MAMDC2: variants seen among roughly 807,000 people sequenced by gnomAD.
MAMDC2 encodes MAM domain-containing protein 2.
Under a neutral mutation model 89.8 loss-of-function variants are expected in MAMDC2, and 57 were observed. That is an observed-to-expected ratio of 0.63 (90% confidence interval 0.51 to 0.79). MAMDC2 has a LOEUF of 0.79. Ranked by LOEUF, MAMDC2 falls within the 30% of genes least tolerant of loss-of-function variation. The pLI is 0.00. For missense variants in MAMDC2, 800 were observed against 820.6 expected (o/e 0.97, Z 0.31); for synonymous variants, 313 against 293.4 (o/e 1.07, Z -0.68).
intron 11 of MAMDC2, among the ~76,000 whole-genome samples, chr9:70,214,222 G>A (rs1257436958): frequency 1.3e-5 from 2 of 152,208 alleles, no homozygotes; most frequent in African/African-American, 4.8e-5. Flanking sequence ...AGGAGTGCCA[G>A]GGAAGAGGGA....
intron 11 of MAMDC2, among the ~76,000 whole-genome samples, chr9:70,187,893 G>A (rs893448039): frequency 6.6e-6 from 1 of 152,108 alleles, no homozygotes; most frequent in African/African-American, 2.4e-5. Flanking sequence ...TTTCTTTAAG[G>A]TATAAACCAG....
At chr9:70,216,924 A>G (rs1447094125) in intron 11 of MAMDC2, among the ~76,000 whole-genome samples, 1 of 152,184 alleles carries the variant, frequency 6.6e-6, no homozygotes, top group Non-Finnish European at 1.5e-5. Flanking sequence ...TGTAGTTTAA[A>G]TAGTCCCATC....
At position 70,104,606 on chromosome 9, in the gene MAMDC2, C is replaced by T. The variant is rs1467855207; in HGVS notation, c.149-3605C>T. The stretch of plus-strand genomic sequence containing the variant: ...TAATCCATAAAATAGAATATTAGCC[C>T]CCAAAAAGAATGAAATTCTAATATA... On this transcript the variant is annotated intron_variant, in intron 2 of 13. Coordinates refer to ENST00000377182, the MANE Select transcript of MAMDC2 (RefSeq NM_153267.5). 2.6e-5 allele frequency among the ~76,000 whole-genome samples: 4 copies of T among 151,946 alleles called. No individual in the cohort carries two copies. In the East Asian group the frequency reaches 5.8e-4, roughly 22 times the overall value.
intron 11 of MAMDC2, among the ~76,000 whole-genome samples, chr9:70,210,270 A>G (rs2033324271): frequency 9.7e-6 from 1 of 103,162 alleles, no homozygotes; most frequent in Admixed American, 1.2e-4. Context: ...ATGTGAGTCT[A>G]AGTCTCTTTG....
intron 2 of MAMDC2, among the ~76,000 whole-genome samples, chr9:70,058,721 C>T (rs1827081205): frequency 6.6e-6 from 1 of 152,160 alleles, no homozygotes; most frequent in African/African-American, 2.4e-5. Context: ...CACTTTGAGG[C>T]AAGAAACTTT....
chr9:70,046,230 C>A (rs1471777692), intron 2 of MAMDC2, among the ~76,000 whole-genome samples: 1 of 152,166 alleles, frequency 6.6e-6, no homozygotes, highest in African/African-American at 2.4e-5. Flanking sequence ...TAACAAGTTC[C>A]CAGGTGATGC....
chr9:70,099,029 G>A (rs1051851092), intron 2 of MAMDC2, among the ~76,000 whole-genome samples: 11 of 152,164 alleles, frequency 7.2e-5, no homozygotes, highest in South Asian at 2.1e-4. Flanking sequence ...TATAATTAGC[G>A]ATTTATTAAA....
intron 2 of MAMDC2, chr9:70,079,310 A>G (rs974597658): frequency 1.3e-5 from 2 of 152,218 alleles, no homozygotes; most frequent in African/African-American, 2.4e-5. Context: ...GTGTACAAGT[A>G]TGGATCTAGG....
intron 2 of MAMDC2, among the ~76,000 whole-genome samples, chr9:70,061,821 T>C (rs1483394853): frequency 2.6e-5 from 4 of 152,168 alleles, no homozygotes; most frequent in East Asian, 1.9e-4. Flanking sequence ...GGTTGTAGAA[T>C]TGGTGTTTGG....
chr9:70,069,410 C>G (rs992117090), intron 2 of MAMDC2, among the ~76,000 whole-genome samples: 3 of 152,172 alleles, frequency 2.0e-5, no homozygotes, highest in Non-Finnish European at 4.4e-5. Context: ...TGTTGGCTAA[C>G]GTAATGTTAA....
chr9:70,214,837 C>G (rs913099189), intron 11 of MAMDC2, among the ~76,000 whole-genome samples: 10 of 152,162 alleles, frequency 6.6e-5, no homozygotes, highest in Non-Finnish European at 1.5e-4. Flanking sequence ...TGGTGTGCGA[C>G]TCACAGGTTT....
intron 9 of MAMDC2, among the ~76,000 whole-genome samples, chr9:70,145,596 A>AC (rs2031378902): frequency 5.3e-5 from 8 of 151,090 alleles, no homozygotes; most frequent in Admixed American, 2.0e-4. Context: ...ACACACATAC[A>AC]AGCAAATACC....
At chr9:70,173,708 T>C (rs2032419087) in intron 11 of MAMDC2, among the ~76,000 whole-genome samples, 1 of 152,076 alleles carries the variant, frequency 6.6e-6, no homozygotes, top group Non-Finnish European at 1.5e-5. Flanking sequence ...ATGAAGACTG[T>C]GGAATGCCTT....
intron 11 of MAMDC2, among the ~76,000 whole-genome samples, chr9:70,186,913 A>G (rs1032540437): frequency 7.9e-5 from 12 of 152,162 alleles, no homozygotes; most frequent in African/African-American, 2.7e-4. Flanking sequence ...CTCACTAATC[A>G]TGAAGGGGAT....
chr9:70,217,136 T>TA, intron 11 of MAMDC2: 1 of 562,324 alleles, frequency 1.8e-6, no homozygotes, highest in Non-Finnish European at 3.2e-6. Flanking sequence ...AAAGGCAATT[T>TA]AAAAATATTA....
rs1364131988 is a variant in MAMDC2, at chr9:70,054,105, C to T, written c.148+9408C>T. 2.0e-5 allele frequency among the ~76,000 whole-genome samples: 3 copies of T among 152,132 alleles called. No homozygotes were observed. In the East Asian group the frequency reaches 5.8e-4, roughly 29 times the overall value. On this transcript the variant is annotated intron_variant, in intron 2 of 13. Transcript: ENST00000377182. Reference sequence around the variant, plus strand: ...AGGGTAGAAAAAGATATGATCAGTTCTGAGCTGCCTGGGACACATCCAAGT... The same window carrying T: ...AGGGTAGAAAAAGATATGATCAGTTTTGAGCTGCCTGGGACACATCCAAGT...
chr9:70,193,024 G>A (rs2032914018), intron 11 of MAMDC2, among the ~76,000 whole-genome samples: 1 of 151,978 alleles, frequency 6.6e-6, no homozygotes, highest in Non-Finnish European at 1.5e-5. Context: ...TGAGGGTGGG[G>A]GGTTCTTGCT....
chr9:70,072,561 A>C lies in MAMDC2; in HGVS notation c.148+27864A>C, dbSNP rs144935850. 3.9e-3 allele frequency among the ~76,000 whole-genome samples: 595 copies of C among 152,292 alleles called. 6 individuals are homozygous for C. The highest frequency in any genetic ancestry group is 0.014 in the African/African-American group (564 of 41,560). ...ATTGAATCCTCACAACAAATCTATG[A>C]GCTGGACATTGGTATTATTATTATC... On this transcript the variant is annotated intron_variant, in intron 2 of 13. Transcript: ENST00000377182.
At chr9:70,181,840 C>G (rs951155406) in intron 11 of MAMDC2, among the ~76,000 whole-genome samples, 1 of 152,088 alleles carries the variant, frequency 6.6e-6, no homozygotes, top group Non-Finnish European at 1.5e-5. Context: ...ATTTGAGTAC[C>G]TTTTATTTCT....
Sources: gnomAD v4.1 joint callset for allele counts (sites outside exome capture counted in the v4.1 genomes callset) on GRCh38, gnomAD v4.1.1 for gene constraint, MANE v1.5 for transcripts, NCBI Gene and HGNC (gene_info 2026-07-23, HGNC 2026-07-21) for gene names.